Variants in CIP2A observed in about 807,000 individuals in gnomAD.
CIP2A encodes cellular inhibitor of PP2A, also known as protein CIP2A.
In CIP2A, 103 loss-of-function variants were observed where a neutral mutation model predicts 110.9. The observed-to-expected ratio is 0.93, with a 90% confidence interval of 0.79 to 1.09. The LOEUF is 1.09. Among genes scored for constraint, CIP2A ranks in the 50% least tolerant of loss-of-function variants. The probability of loss-of-function intolerance (pLI) is 0.00; values close to 1 mark genes in which losing one functional copy is unlikely to be tolerated. For synonymous variants in CIP2A, 381 were observed against 361.6 expected (o/e 1.05, Z -0.61); for missense variants, 1,088 against 1,038.4 (o/e 1.05, Z -0.66).
chr3:108,575,601 T>C (rs532259297), intron 8 of CIP2A, among the ~76,000 whole-genome samples: 1 of 143,976 alleles, frequency 6.9e-6, no homozygotes, highest in Admixed American at 6.7e-5. Flanking sequence ...TATACGTGTA[T>C]ATATACTCAT....
At chr3:108,552,398 T>C in intron 19 of CIP2A, 25 bp from the exon 20 acceptor site, 1 of 1,457,920 alleles carries the variant, frequency 6.9e-7, no homozygotes, top group Non-Finnish European at 9.2e-7. Flanking sequence ...AAGTCAAGTA[T>C]TATACTCAGA....
At chr3:108,580,380 A>G (rs1026244120) in intron 5 of CIP2A, among the ~76,000 whole-genome samples, 5 of 141,902 alleles carry the variant, frequency 3.5e-5, no homozygotes, top group African/African-American at 1.2e-4. Context: ...TCTTCCTTAT[A>G]TTTAAGTGTT....
intron 4 of CIP2A, 110 bp from the exon 5 acceptor site, chr3:108,581,621 C>G: frequency 1.6e-6 from 1 of 630,180 alleles, no homozygotes; most frequent in Non-Finnish European, 2.7e-6. Flanking sequence ...TTTCAATTCC[C>G]TTTTACACGC....
At chr3:108,560,309 C>A (rs1156364066) in intron 14 of CIP2A, among the ~76,000 whole-genome samples, 2 of 151,864 alleles carry the variant, frequency 1.3e-5, no homozygotes, top group Non-Finnish European at 2.9e-5. Context: ...GTAGCTGAGA[C>A]AACAGGCATG....
intron 9 of CIP2A, 114 bp from the exon 10 acceptor site, chr3:108,568,428 G>A (rs1181540887): frequency 4.0e-6 from 3 of 756,396 alleles, no homozygotes; most frequent in Non-Finnish European, 6.2e-6. Context: ...CCTTCAATAT[G>A]CCATTGACCT....
chr3:108,562,078 A>G (rs1406841860), intron 13 of CIP2A, among the ~76,000 whole-genome samples: 1 of 152,196 alleles, frequency 6.6e-6, no homozygotes, highest in Non-Finnish European at 1.5e-5. Context: ...TGCTGTTAAA[A>G]AAATATTTAT....
chr3:108,580,884 C>T (rs574994477), intron 5 of CIP2A, among the ~76,000 whole-genome samples: 1 of 152,242 alleles, frequency 6.6e-6, no homozygotes, highest in Admixed American at 6.5e-5. Flanking sequence ...CCTTGGCCTC[C>T]AAAGTGCTGG....
Position 108,550,386 on chromosome 3 carries a change from CTT to C in CIP2A, c.*761_*762del, listed in dbSNP as rs989309839. ...TTATCCTTATGTAAATCATAAGAAACTTATAATTAATTATAGATGATCTGGAC... is the reference window on the plus strand; with the variant it reads ...TTATCCTTATGTAAATCATAAGAAACATAATTAATTATAGATGATCTGGAC... On this transcript the variant is annotated 3_prime_UTR_variant, in exon 21 of 21. Transcript: ENST00000295746. 1 of 151,228 alleles carries C rather than the reference CTT, an allele frequency of 6.6e-6. No homozygotes were observed. The highest frequency in any genetic ancestry group is 1.5e-5 in the Non-Finnish European group (1 of 67,628). The allele number at this position is 151,228 out of a possible 1,614,324, so 9.4% of individuals were successfully genotyped here. A position where few individuals can be genotyped will look rare whatever the true frequency, so the allele number is the denominator to read the frequency against.
At chr3:108,587,735 T>G (rs1010252508) in intron 1 of CIP2A, among the ~76,000 whole-genome samples, 2 of 152,196 alleles carry the variant, frequency 1.3e-5, no homozygotes, top group African/African-American at 2.4e-5. Context: ...CTTGAAAGTT[T>G]AGGAATACAG....
At chr3:108,551,358 A>C in intron 20 of CIP2A, 39 bp from the exon 21 acceptor site, 1 of 1,487,110 alleles carries the variant, frequency 6.7e-7, no homozygotes, top group Non-Finnish European at 9.1e-7. Flanking sequence ...AGAATTGAGA[A>C]GAAAAATAAC....
Position 108,568,230 on chromosome 3 carries a change from T to G in CIP2A, c.1198A>C (p.Thr400Pro). 1 of 1,612,418 alleles carries G rather than the reference T, an allele frequency of 6.2e-7. No individual in the cohort carries two copies. The highest frequency in any genetic ancestry group is 8.5e-7 in the Non-Finnish European group (1 of 1,178,834). The change falls in exon 10 of 21, where the codon ACA becomes CCA. Residue 400 changes from threonine (T) to proline (P), a missense_variant. Coordinates refer to ENST00000295746, the MANE Select transcript of CIP2A (RefSeq NM_020890.3). Reference protein sequence around the residue: ...LPTILDQLQFTEQNLDEALTR... With the variant: ...LPTILDQLQFPEQNLDEALTR... ...AAAGCCTCATCTAGATTTTGTTCTG[T>G]GAACTGAAGTTGATCAAGGATTGTA...
At position 108,586,271 on chromosome 3, in the gene CIP2A, T is replaced by C. The variant is rs77228657; in HGVS notation, c.103-1059A>G. On this transcript the variant is annotated intron_variant, in intron 1 of 20. Coordinates refer to ENST00000295746, the MANE Select transcript of CIP2A (RefSeq NM_020890.3). ...TTTTAACATTACTAAAGTAAAAGTC[T>C]ATACAAGAAAAAATAAGTCCAAATA... 1.8e-4 allele frequency among the ~76,000 whole-genome samples: 27 copies of C among 152,278 alleles called. 1 individual carries two copies. The East Asian group carries it at 3.7e-3, about 21-fold the overall frequency.
intron 8 of CIP2A, among the ~76,000 whole-genome samples, chr3:108,571,664 TC>T (rs1938406666): frequency 6.6e-6 from 1 of 152,168 alleles, no homozygotes. Flanking sequence ...TAGATGACTT[TC>T]CCAAAATGAA....
rs965468339 is a variant in CIP2A at position 108,560,031 on chromosome 3, A to G, written c.1828-3T>C. On this transcript the variant is annotated splice_region_variant and splice_polypyrimidine_tract_variant and intron_variant, in intron 14 of 20. Coordinates refer to ENST00000295746, the MANE Select transcript of CIP2A (RefSeq NM_020890.3). ...ACATCACAAATCTGATCCTTTACCT[A>G]CATTTTAAGAGTAAAAAAACTTAAA... 1.3e-6 allele frequency: 2 copies of G among 1,553,482 alleles called. No homozygotes were observed. Among genetic ancestry groups the G allele is most frequent in the Non-Finnish European group, 1.8e-6 (2 of 1,137,502 alleles).
rs1559695980 is a variant in CIP2A, at chr3:108,569,577, C to T, written c.925G>A (p.Val309Met). 4 of 1,612,484 alleles carry T rather than the reference C, an allele frequency of 2.5e-6. No individual in the cohort carries two copies. The highest frequency in any genetic ancestry group is 3.4e-6 in the Non-Finnish European group (4 of 1,179,128). ...VLELLLAFCS[V>M]TQLRHMLTQM... ...GTGAGCATATGGCGCAGCTGAGTCA[C>T]TGAACAGAAGGCAAGAAGTAATTCT... Residue 309 changes from valine (V) to methionine (M), a missense_variant, in exon 9 of 21, where the codon GTG (valine) becomes ATG (methionine). Coordinates refer to ENST00000295746, the MANE Select transcript of CIP2A (RefSeq NM_020890.3).
In CIP2A at chr3:108,559,850, T is replaced by C; in HGVS notation, c.1920A>G (p.Leu640=). 1.9e-6 allele frequency: 3 copies of C among 1,607,606 alleles called. No homozygotes were observed. Among genetic ancestry groups the C allele is most frequent in the Non-Finnish European group, 2.6e-6 (3 of 1,175,326 alleles). Residue 640 remains leucine, a synonymous_variant, in exon 16 of 21, where the codon CTA becomes CTG. Coordinates refer to ENST00000295746, the MANE Select transcript of CIP2A (RefSeq NM_020890.3). ...GAGCTTTTGTTTCCAAAAGATCTTG[T>C]AGCCTGCTTTCTTTGGACTACAAGA... ...LSTLASKESR[L]QDLLETKALA...
In CIP2A at chr3:108,550,124, TA is replaced by T. The variant is rs2083878380; in HGVS notation, c.*1024del. 6.6e-6 allele frequency: 1 copy of T among 151,854 alleles called. No individual in the cohort carries two copies. The allele number at this position is 151,854 out of a possible 1,614,324, so 9.4% of individuals were successfully genotyped here. A position where few individuals can be genotyped will look rare whatever the true frequency, so the allele number is the denominator to read the frequency against. ...ATTAATGACTGTATTGGTATAGCAA[TA>T]AAATCAATCAAAATATTGATGTAAA... On this transcript the variant is annotated 3_prime_UTR_variant, in exon 21 of 21. Transcript: ENST00000295746.
intron 8 of CIP2A, among the ~76,000 whole-genome samples, chr3:108,571,378 C>G (rs970775844): frequency 6.6e-6 from 1 of 152,106 alleles, no homozygotes; most frequent in African/African-American, 2.4e-5. Context: ...ATTGCACCAC[C>G]ATGTTAGAAT....
At chr3:108,565,332 A>G (rs373182999) in intron 12 of CIP2A, 23 bp downstream of exon 12, 8 of 1,183,282 alleles carry the variant, frequency 6.8e-6, no homozygotes, top group Middle Eastern at 2.0e-4. Context: ...ATAAACTTCA[A>G]TGTTTGAAGA....
Sources: gnomAD v4.1 joint callset for allele counts (sites outside exome capture counted in the v4.1 genomes callset) on GRCh38, gnomAD v4.1.1 for gene constraint, MANE v1.5 for transcripts, NCBI Gene and HGNC (gene_info 2026-07-23, HGNC 2026-07-21) for gene names.